Variants in DEPDC4 observed in about 807,000 individuals in gnomAD.
The protein encoded by DEPDC4 is DEP domain containing 4.
A neutral mutation model predicts 52.0 loss-of-function variants in DEPDC4; 52 were observed. That is an observed-to-expected ratio of 1.00 (90% CI 0.80 to 1.26). The LOEUF is 1.26. Ranked by LOEUF, DEPDC4 falls within the 50% of genes most tolerant of loss-of-function variation. The pLI is 0.00. For missense variants in DEPDC4, 530 were observed against 546.9 expected (o/e 0.97, Z 0.31); for synonymous variants, 201 against 196.8 (o/e 1.02, Z -0.18).
the DEPDC4 span, among the ~76,000 whole-genome samples, chr12:100,272,337 G>A: frequency 2.0e-5 from 3 of 152,050 alleles, no homozygotes; most frequent in Non-Finnish European, 4.4e-5. Flanking sequence ...GGACTCTTAG[G>A]TTTCTTATAT....
At chr12:100,271,480 A>G (rs1236536451), upstream of DEPDC4, among the ~76,000 whole-genome samples, 1 of 152,210 alleles carries the variant, frequency 6.6e-6, no homozygotes, top group Admixed American at 6.5e-5. Context: ...AAATGATGAT[A>G]TAAATGGTAT....
At chr12:100,257,181 G>C in intron 3 of DEPDC4, among the ~76,000 whole-genome samples, 1 of 149,334 alleles carries the variant, frequency 6.7e-6, no homozygotes, top group Middle Eastern at 3.7e-3. Flanking sequence ...CCGCTGAAGT[G>C]ATTCTCCTGC....
In DEPDC4 at chr12:100,243,856, T is replaced by C. The variant is rs78089257; in HGVS notation, c.1454-1287A>G. On this transcript the variant is annotated intron_variant, in intron 8 of 9. Transcript: ENST00000550587. ...CTCAAGTGATTAAGATAGCTCTAAT[T>C]GGCTCCACATATCCAGTGGCCGTTC... 2.3e-3 allele frequency among the ~76,000 whole-genome samples: 348 copies of C among 152,030 alleles called. 8 individuals carry two copies. In the East Asian group the frequency reaches 0.04, roughly 17 times the overall value.
At chr12:100,281,030 T>TTG in the DEPDC4 span, among the ~76,000 whole-genome samples, 1 of 128,680 alleles carries the variant, frequency 7.8e-6, no homozygotes, top group African/African-American at 3.2e-5. Flanking sequence ...TTTTTTTTTT[T>TTG]TTTTTTTTTT....
rs1259438234 is a variant in DEPDC4 at position 100,266,247 on chromosome 12, C to T, written c.157+673G>A. On this transcript the variant is annotated intron_variant, in intron 1 of 9. Coordinates refer to ENST00000550587, the MANE Select transcript of DEPDC4 (RefSeq NM_001364818.2). ...GTATGCCCAACTATACATATGTTTACGATAAAATGACAGAAATAAAAATCC... is the reference window on the plus strand; with the variant it reads ...GTATGCCCAACTATACATATGTTTATGATAAAATGACAGAAATAAAAATCC... Among the ~76,000 whole-genome samples the T allele has an allele frequency of 7.9e-5, 12 of 152,168 alleles. No homozygotes were observed. The East Asian group carries it at 9.7e-4, about 12-fold the overall frequency.
chr12:100,270,787 C>T (rs2096286798), upstream of DEPDC4, among the ~76,000 whole-genome samples: 1 of 151,950 alleles, frequency 6.6e-6, no homozygotes, highest in African/African-American at 2.4e-5. Flanking sequence ...CTTTTTAAAT[C>T]TTAAATCTTA....
the DEPDC4 span, among the ~76,000 whole-genome samples, chr12:100,277,629 T>A: frequency 6.6e-6 from 1 of 152,330 alleles, no homozygotes; most frequent in African/African-American, 2.4e-5. Context: ...CAGCATATAG[T>A]TAGGTCTTGC....
rs2096261634 is a variant in DEPDC4 at position 100,263,616 on chromosome 12, T to C, written c.435A>G (p.Glu145=). 1 of 1,614,148 alleles carries C rather than the reference T, an allele frequency of 6.2e-7. No individual in the cohort carries two copies. The highest frequency in any genetic ancestry group is 2.2e-5 in the East Asian group (1 of 44,868). ...PVGMKKLFKK[E]KELEFEDSNI... is the part of the protein sequence containing the mutation. Reference sequence around the variant, plus strand: ...TGGAATCTTCAAATTCTAATTCCTTTTCTTTTTTGAAAAGCTTCTTCATTC... The same window carrying C: ...TGGAATCTTCAAATTCTAATTCCTTCTCTTTTTTGAAAAGCTTCTTCATTC... The change falls in exon 2 of 10, where the codon GAA becomes GAG. Residue 145 remains glutamate (E), a synonymous_variant. Transcript: ENST00000550587.
chr12:100,269,316 G>T (rs867788987), upstream of DEPDC4, among the ~76,000 whole-genome samples: 1 of 151,642 alleles, frequency 6.6e-6, no homozygotes, highest in Admixed American at 6.6e-5. Flanking sequence ...GCTTGGAAAT[G>T]CCCTTCCTTT....
At chr12:100,267,335 G>A (rs1031924820), upstream of DEPDC4, 1 of 382,032 alleles carries the variant, frequency 2.6e-6, no homozygotes, top group African/African-American at 2.1e-5. Context: ...CAGCCAGGAG[G>A]CGTTTATTAG....
the DEPDC4 span, among the ~76,000 whole-genome samples, chr12:100,277,095 CAAAG>C: frequency 6.6e-6 from 1 of 152,054 alleles, no homozygotes; most frequent in Non-Finnish European, 1.5e-5. Context: ...TTATTGTAGT[CAAAG>C]AGAATCGTTT....
chr12:100,261,800 C>T (rs934107850), intron 3 of DEPDC4: 7 of 456,392 alleles, frequency 1.5e-5, no homozygotes, highest in African/African-American at 6.0e-5. Flanking sequence ...AGTCAACACA[C>T]TAATACACTA....
At chr12:100,247,623 T>A (rs11110315) in intron 8 of DEPDC4, among the ~76,000 whole-genome samples, 34,218 of 152,110 alleles carry the variant, frequency 0.22, 4,267 homozygotes, top group African/African-American at 0.28. Context: ...ACGGCAGCCA[T>A]TTAATGTTTG....
upstream of DEPDC4, among the ~76,000 whole-genome samples, chr12:100,270,287 G>A (rs148641925): frequency 5.4e-3 from 818 of 152,062 alleles, 4 homozygotes; most frequent in Middle Eastern, 0.017. Context: ...GCGCCTGGCC[G>A]AGATTTTATA....
At chr12:100,232,983 C>T (rs767889093) in intron 9 of DEPDC4, among the ~76,000 whole-genome samples, 1 of 152,116 alleles carries the variant, frequency 6.6e-6, no homozygotes, top group Non-Finnish European at 1.5e-5. Flanking sequence ...CTGTGACAGG[C>T]AATGTATGTA....
downstream of DEPDC4, among the ~76,000 whole-genome samples, chr12:100,235,764 G>A (rs1330632788): frequency 1.3e-5 from 2 of 151,986 alleles, no homozygotes; most frequent in East Asian, 1.9e-4. Flanking sequence ...TAGTAGAGAC[G>A]GGTTTCACCA....
chr12:100,248,577 C>A (rs1223944446), intron 8 of DEPDC4, among the ~76,000 whole-genome samples: 4 of 152,014 alleles, frequency 2.6e-5, no homozygotes, highest in Non-Finnish European at 4.4e-5. Context: ...GAAAAAGAAT[C>A]TGAGAGAGTC....
chr12:100,234,239 T>C (rs2096138210), intron 9 of DEPDC4, among the ~76,000 whole-genome samples: 1 of 152,218 alleles, frequency 6.6e-6, no homozygotes, highest in African/African-American at 2.4e-5. Context: ...GGACCACTGC[T>C]ATGGGATTTT....
Position 100,250,278 on chromosome 12 carries a change from C to T in DEPDC4, c.1375-1300G>A, listed in dbSNP as rs12310106. The stretch of plus-strand genomic sequence containing the variant: ...TTACCCAGGCTGGAGTGCAGCGGTG[C>T]GATCTTGGCTCACTGCAGCCTCCGC... On this transcript the variant is annotated intron_variant, in intron 7 of 9. Transcript: ENST00000550587. Among the ~76,000 whole-genome samples the T allele has an allele frequency of 6.0e-3, 913 of 152,196 alleles. 11 individuals carry two copies. The highest frequency in any genetic ancestry group is 0.021 in the African/African-American group (857 of 41,526).
Sources: allele counts gnomAD v4.1 joint callset (sites outside exome capture counted in the v4.1 genomes callset), GRCh38; gene constraint gnomAD v4.1.1; transcripts MANE v1.5; gene names NCBI Gene and HGNC (gene_info 2026-07-23, HGNC 2026-07-21).